The following RARB variants were observed in gnomAD, a reference collection of about 807,000 sequenced individuals.
RARB encodes the protein retinoic acid receptor beta.
RARB carries 17 observed loss-of-function variants against 51.9 expected under a neutral mutation model. The ratio of observed to expected loss-of-function variants is 0.33; its 90% CI spans 0.22 to 0.49. The LOEUF (loss-of-function observed/expected upper bound fraction) is 0.49. Ranked by LOEUF, RARB falls within the 20% of genes least tolerant of loss-of-function variation. RARB has a pLI of 0.99. For missense variants in RARB, 369 were observed against 550.8 expected (o/e 0.67, Z 3.30); for synonymous variants, 215 against 195.4 (o/e 1.10, Z -0.84).
At chr3:25,186,884 CCTGTGT>C (rs1228475602) in intron 5 of RARB, among the ~76,000 whole-genome samples, 17 of 58,886 alleles carry the variant, frequency 2.9e-4, no homozygotes, top group African/African-American at 9.6e-4. Flanking sequence ...AAAAGGTAAG[CCTGTGT>C]GTGTGTGTGT....
chr3:25,308,681 C>A (rs1441180043), intron 5 of RARB, among the ~76,000 whole-genome samples: 1 of 152,194 alleles, frequency 6.6e-6, no homozygotes, highest in African/African-American at 2.4e-5. Flanking sequence ...CTCCTGACCT[C>A]AAATGATCCA....
intron 5 of RARB, among the ~76,000 whole-genome samples, chr3:25,201,799 T>C (rs544064271): frequency 1.2e-4 from 18 of 152,324 alleles, no homozygotes; most frequent in African/African-American, 4.1e-4. Context: ...TCGTGGTGGA[T>C]AAGCTTTTTG....
chr3:25,393,636 A>G (rs1707035493), intron 5 of RARB, among the ~76,000 whole-genome samples: 1 of 152,084 alleles, frequency 6.6e-6, no homozygotes, highest in African/African-American at 2.4e-5. Context: ...ATTTCCAGGA[A>G]TTTGTTCATC....
chr3:25,248,525 G>T (rs1405387037), intron 5 of RARB, among the ~76,000 whole-genome samples: 1 of 152,050 alleles, frequency 6.6e-6, no homozygotes, highest in Non-Finnish European at 1.5e-5. Context: ...TGGTGTGTTT[G>T]CTCTACCAGT....
At chr3:24,900,779 A>G (rs1283033981) in intron 2 of RARB, among the ~76,000 whole-genome samples, 2 of 152,220 alleles carry the variant, frequency 1.3e-5, no homozygotes, top group Non-Finnish European at 2.9e-5. Flanking sequence ...ACAGCAGCAC[A>G]TTCGGTTTGA....
chr3:25,367,803 C>A (rs1251181781), intron 5 of RARB, among the ~76,000 whole-genome samples: 170 of 124,304 alleles, frequency 1.4e-3, no homozygotes, highest in East Asian at 3.1e-3. Flanking sequence ...GACCCTGTCA[C>A]AAAAAAAAAC....
At chr3:25,214,626 T>C (rs1196283303) in intron 5 of RARB, among the ~76,000 whole-genome samples, 1 of 152,192 alleles carries the variant, frequency 6.6e-6, no homozygotes, top group African/African-American at 2.4e-5. Flanking sequence ...CGTCCTGAAA[T>C]GCCCCTGAAG....
At chr3:25,235,788 T>C (rs945121945) in intron 5 of RARB, among the ~76,000 whole-genome samples, 21 of 152,180 alleles carry the variant, frequency 1.4e-4, no homozygotes, top group African/African-American at 5.1e-4. Flanking sequence ...TGACTATTAC[T>C]CACTTTTGTT....
chr3:25,302,303 TC>T (rs1235005386), intron 5 of RARB, among the ~76,000 whole-genome samples: 1 of 152,208 alleles, frequency 6.6e-6, no homozygotes, highest in East Asian at 1.9e-4. Context: ...GAAAACATGT[TC>T]ACACAAAACC....
intron 2 of RARB, among the ~76,000 whole-genome samples, chr3:25,053,516 C>T (rs1169971063): frequency 6.6e-6 from 1 of 152,160 alleles, no homozygotes; most frequent in African/African-American, 2.4e-5. Context: ...TTTGCATTGC[C>T]ATTCCAGCCG....
intron 5 of RARB, among the ~76,000 whole-genome samples, chr3:25,213,714 G>A (rs113268964): frequency 5.9e-5 from 9 of 152,126 alleles, no homozygotes; most frequent in African/African-American, 7.2e-5. Context: ...TGATGGCAAC[G>A]GCAATGAGAG....
At chr3:25,244,320 G>T in intron 5 of RARB, among the ~76,000 whole-genome samples, 2 of 125,042 alleles carry the variant, frequency 1.6e-5, no homozygotes, top group Non-Finnish European at 1.6e-5. Context: ...CTTCAATTCT[G>T]CTCTGATCTT....
At chr3:25,347,437 G>T (rs1208435713) in intron 5 of RARB, among the ~76,000 whole-genome samples, 1 of 152,198 alleles carries the variant, frequency 6.6e-6, no homozygotes, top group African/African-American at 2.4e-5. Context: ...AGCTGTATTT[G>T]ATGATAGTGT....
chr3:25,148,686 C>A (rs1700234020), intron 4 of RARB, among the ~76,000 whole-genome samples: 1 of 152,176 alleles, frequency 6.6e-6, no homozygotes, highest in Non-Finnish European at 1.5e-5. Context: ...CTCTGTGCCT[C>A]AGTTTCCTCA....
intron 5 of RARB, among the ~76,000 whole-genome samples, chr3:25,395,215 G>A (rs932205244): frequency 1.3e-5 from 2 of 152,124 alleles, no homozygotes; most frequent in African/African-American, 4.8e-5. Flanking sequence ...GTTTAAGGAC[G>A]CTAAAAATAG....
chr3:25,476,974 C>T (rs952077448), intron 2 of RARB, among the ~76,000 whole-genome samples: 3 of 152,096 alleles, frequency 2.0e-5, no homozygotes, highest in African/African-American at 7.2e-5. Context: ...TGTAGGCACT[C>T]AATAAACGTT....
intron 4 of RARB, among the ~76,000 whole-genome samples, chr3:25,150,374 C>T (rs1051253519): frequency 6.6e-6 from 1 of 152,116 alleles, no homozygotes; most frequent in African/African-American, 2.4e-5. Flanking sequence ...CTCCCAGAGC[C>T]CCAATCCTGG....
intron 5 of RARB, among the ~76,000 whole-genome samples, chr3:25,380,952 T>C (rs1254710790): frequency 6.6e-6 from 1 of 152,238 alleles, no homozygotes; most frequent in Admixed American, 6.5e-5. Context: ...GCATTTTATC[T>C]ACCTCGACCT....
At chr3:25,227,954 A>G (rs1158968304) in intron 5 of RARB, among the ~76,000 whole-genome samples, 1 of 152,120 alleles carries the variant, frequency 6.6e-6, no homozygotes, top group Middle Eastern at 3.2e-3. Flanking sequence ...AAAAACCAAT[A>G]GACATTGCCT....
Sources: allele counts gnomAD v4.1 joint callset (sites outside exome capture counted in the v4.1 genomes callset), GRCh38; gene constraint gnomAD v4.1.1; transcripts MANE v1.5; gene names NCBI Gene and HGNC (gene_info 2026-07-23, HGNC 2026-07-21).